The following EYA2 variants were observed in gnomAD, a reference collection of about 807,000 sequenced individuals.
EYA2 encodes protein phosphatase EYA2.
In EYA2, 31 loss-of-function variants were observed where a neutral mutation model predicts 69.2. The ratio of observed to expected loss-of-function variants is 0.45; its 90% confidence interval spans 0.34 to 0.60. EYA2 has a LOEUF of 0.60. Among genes scored for constraint, EYA2 ranks in the 20% least tolerant of loss-of-function variants. EYA2 has a pLI of 0.02. For missense variants in EYA2, 622 were observed against 701.2 expected (o/e 0.89, Z 1.28); for synonymous variants, 257 against 279.4 (o/e 0.92, Z 0.80).
chr20:46,952,225 C>A (rs547144534), intron 1 of EYA2, among the ~76,000 whole-genome samples: 1 of 151,902 alleles, frequency 6.6e-6, no homozygotes, highest in African/African-American at 2.4e-5. Flanking sequence ...CAGGGAGAGC[C>A]GTGGGCATGT....
intron 5 of EYA2, among the ~76,000 whole-genome samples, chr20:47,034,393 G>A (rs969287992): frequency 1.3e-5 from 2 of 152,178 alleles, no homozygotes; most frequent in Non-Finnish European, 2.9e-5. Context: ...AAAAGAATAG[G>A]CCAGGTAGTT....
chr20:46,981,906 CTAAT>C (rs1980857169), intron 1 of EYA2, among the ~76,000 whole-genome samples: 1 of 96,818 alleles, frequency 1.0e-5, no homozygotes, highest in Non-Finnish European at 1.7e-5. Context: ...TTTACTGTAA[CTAAT>C]GTAATATAAA....
Position 46,971,026 on chromosome 20 carries a change from A to ATGTGATGAGT in EYA2, c.-10-18974_-10-18973insGTGATGAGTT, listed in dbSNP as rs1980110207. On this transcript the variant is annotated intron_variant, in intron 1 of 15. Coordinates refer to ENST00000327619, the MANE Select transcript of EYA2 (RefSeq NM_005244.5). The stretch of plus-strand genomic sequence containing the variant: ...CTGTGTGATGAGTTTAGGAAAGCTC[A>ATGTGATGAGT]TTAGATGAGTCTGAGTATTTTTGCA... 3.3e-5 allele frequency among the ~76,000 whole-genome samples: 5 copies of ATGTGATGAGT among 152,140 alleles called. No individual in the cohort carries two copies. In the East Asian group the frequency reaches 9.6e-4, roughly 29 times the overall value.
intron 9 of EYA2, among the ~76,000 whole-genome samples, chr20:47,112,882 T>C (rs2146543158): frequency 7.4e-6 from 1 of 135,260 alleles, no homozygotes; most frequent in Middle Eastern, 3.5e-3. Flanking sequence ...TTTTTTTTTT[T>C]TTTTTTTGAG....
intron 1 of EYA2, among the ~76,000 whole-genome samples, chr20:46,976,882 G>A (rs1013024227): frequency 2.1e-5 from 3 of 142,516 alleles, no homozygotes; most frequent in Admixed American, 7.0e-5. Context: ...CTCCAGGCAC[G>A]TGCACCCAAG....
chr20:47,097,235 C>A, intron 9 of EYA2, 67 bp downstream of exon 9: 1 of 1,311,336 alleles, frequency 7.6e-7, no homozygotes, highest in Non-Finnish European at 1.1e-6. Flanking sequence ...CCAGTTTGTC[C>A]TGGAAATTGT....
At chr20:47,056,199 G>C (rs1026880533) in intron 5 of EYA2, among the ~76,000 whole-genome samples, 1 of 152,176 alleles carries the variant, frequency 6.6e-6, no homozygotes, top group Admixed American at 6.5e-5. Context: ...ACAGGCTCCG[G>C]GTGTGGGTTT....
At chr20:46,975,142 C>A (rs1451758617) in intron 1 of EYA2, among the ~76,000 whole-genome samples, 1 of 152,012 alleles carries the variant, frequency 6.6e-6, no homozygotes, top group Non-Finnish European at 1.5e-5. Flanking sequence ...ACAGGGAGAT[C>A]TTTGTGGTGA....
At chr20:47,018,211 G>C (rs370197302) in intron 5 of EYA2, among the ~76,000 whole-genome samples, 3 of 152,162 alleles carry the variant, frequency 2.0e-5, no homozygotes, top group Non-Finnish European at 4.4e-5. Flanking sequence ...GGCCACAGAG[G>C]TTGAAATGGA....
intron 1 of EYA2, among the ~76,000 whole-genome samples, chr20:46,919,541 C>T (rs1299716653): frequency 1.3e-5 from 2 of 152,244 alleles, no homozygotes; most frequent in Admixed American, 6.5e-5. Context: ...CCTCATTTCT[C>T]TCAGCTTTCA....
chr20:46,983,612 G>T (rs572858517), intron 1 of EYA2, among the ~76,000 whole-genome samples: 27 of 151,954 alleles, frequency 1.8e-4, no homozygotes, highest in African/African-American at 6.3e-4. Context: ...GCCTCTCACC[G>T]CACCCAGCTT....
intron 1 of EYA2, among the ~76,000 whole-genome samples, chr20:46,906,787 C>A (rs1050082340): frequency 2.6e-5 from 4 of 152,112 alleles, no homozygotes; most frequent in African/African-American, 9.7e-5. Flanking sequence ...GTCTTCATAA[C>A]CCCTGACTTC....
chr20:47,182,628 T>TCAAAAAAAAGAAAAAA (rs779945744), intron 14 of EYA2, among the ~76,000 whole-genome samples: 1 of 84,340 alleles, frequency 1.2e-5, no homozygotes, highest in African/African-American at 6.5e-5. Flanking sequence ...AGACTCCGTC[T>TCAAAAAAAAGAAAAAA]AAAAAAAAAA....
chr20:47,041,328 G>C (rs1001720066), intron 5 of EYA2, among the ~76,000 whole-genome samples: 7 of 152,178 alleles, frequency 4.6e-5, no homozygotes, highest in African/African-American at 1.7e-4. Context: ...CCTGCACATA[G>C]TACAGAGGTA....
At chr20:47,064,720 C>T (rs2031043505) in intron 5 of EYA2, among the ~76,000 whole-genome samples, 4 of 152,184 alleles carry the variant, frequency 2.6e-5, no homozygotes, top group African/African-American at 9.7e-5. Context: ...TCAGCCCAGA[C>T]ACTCGTGTTG....
At position 47,074,201 on chromosome 20, in the gene EYA2, A is replaced by C; in HGVS notation, c.527A>C (p.Gln176Pro). 1 of 1,613,728 alleles carries C rather than the reference A, an allele frequency of 6.2e-7. No homozygotes were observed. Among genetic ancestry groups the C allele is most frequent in the Non-Finnish European group, 8.5e-7 (1 of 1,179,822 alleles). Reference protein sequence around the residue: ...YPGFPQSQYPQYYGSSYNPPY... With the variant: ...YPGFPQSQYPPYYGSSYNPPY... ...GGCTTCCCCCAGAGCCAGTACCCCC[A>C]GTATTACGGCTCATCCTACAACCCT... is the stretch of plus-strand genomic sequence containing the variant. The change falls in exon 7 of 16, where the codon CAG becomes CCG. Residue 176 changes from glutamine to proline, a missense_variant. By Grantham distance (76) the Gln-to-Pro change is moderately conservative. Coordinates refer to ENST00000327619, the MANE Select transcript of EYA2 (RefSeq NM_005244.5).
chr20:47,113,856 G>GTT (rs35238851), intron 9 of EYA2, among the ~76,000 whole-genome samples: 12,440 of 147,558 alleles, frequency 0.084, 621 homozygotes, highest in South Asian at 0.15. Flanking sequence ...TCCTAGATGG[G>GTT]TTTTTTTTTT....
At chr20:47,166,374 G>GT (rs2034187325) in intron 10 of EYA2, among the ~76,000 whole-genome samples, 1 of 112,906 alleles carries the variant, frequency 8.9e-6, no homozygotes, top group Non-Finnish European at 1.7e-5. Flanking sequence ...TCCAGCTTGG[G>GT]TGACAGAGCA....
chr20:47,091,576 CAAAAAAAAAAA>C (rs11313572), intron 8 of EYA2, among the ~76,000 whole-genome samples: 4 of 83,280 alleles, frequency 4.8e-5, no homozygotes, highest in Non-Finnish European at 7.2e-5. Context: ...CCATCTCTAC[CAAAAAAAAAAA>C]AAAAAAAAAA....
Sources: gnomAD v4.1 joint callset for allele counts (sites outside exome capture counted in the v4.1 genomes callset) on GRCh38, gnomAD v4.1.1 for gene constraint, MANE v1.5 for transcripts, NCBI Gene and HGNC (gene_info 2026-07-23, HGNC 2026-07-21) for gene names.